Variants in MB21D2 observed in about 807,000 individuals in gnomAD.
MB21D2 encodes nucleotidyltransferase MB21D2.
In MB21D2, 9 loss-of-function variants were observed where a neutral mutation model predicts 33.3. The ratio of observed to expected loss-of-function variants is 0.27; its 90% CI spans 0.16 to 0.47. MB21D2 has a LOEUF of 0.47. Among genes scored for constraint, MB21D2 ranks in the 20% least tolerant of loss-of-function variants. The pLI, the probability that MB21D2 is intolerant of heterozygous loss-of-function variation, is 0.99. For synonymous variants in MB21D2, 241 were observed against 236.3 expected, an observed-to-expected ratio of 1.02 and a Z score of -0.18; for missense variants, 540 against 624.6, an observed-to-expected ratio of 0.86 and a Z score of 1.44.
chr3:192,824,014 T>C (rs573059771), intron 1 of MB21D2, among the ~76,000 whole-genome samples: 248 of 152,126 alleles, frequency 1.6e-3, no homozygotes, highest in African/African-American at 5.5e-3. Flanking sequence ...CAAAAGACAA[T>C]GTCTAGTTTT....
intron 1 of MB21D2, among the ~76,000 whole-genome samples, chr3:192,859,742 T>C (rs1712998301): frequency 6.6e-6 from 1 of 152,208 alleles, no homozygotes; most frequent in Non-Finnish European, 1.5e-5. Flanking sequence ...AAGACACCAT[T>C]TGAAATCACC....
chr3:192,890,933 C>T (rs954829048), intron 1 of MB21D2, among the ~76,000 whole-genome samples: 2 of 151,936 alleles, frequency 1.3e-5, no homozygotes, highest in African/African-American at 4.8e-5. Context: ...GTTTATCCTG[C>T]GTGGGGGAAG....
chr3:192,835,455 CAAA>C (rs34280688), intron 1 of MB21D2, among the ~76,000 whole-genome samples: 15 of 61,154 alleles, frequency 2.5e-4, no homozygotes, highest in African/African-American at 6.8e-4. Flanking sequence ...GACTCTGTCT[CAAA>C]AAAAAAAAAA....
intron 1 of MB21D2, among the ~76,000 whole-genome samples, chr3:192,853,249 C>T (rs1712846445): frequency 6.6e-6 from 1 of 152,214 alleles, no homozygotes; most frequent in Non-Finnish European, 1.5e-5. Context: ...TCTGGACACT[C>T]ACTCCACATC....
chr3:192,815,567 A>G (rs1711902868), intron 1 of MB21D2, among the ~76,000 whole-genome samples: 1 of 152,222 alleles, frequency 6.6e-6, no homozygotes, highest in African/African-American at 2.4e-5. Flanking sequence ...AAGTTAGAGG[A>G]AGGAATTTAC....
chr3:192,892,331 T>C (rs763608092), intron 1 of MB21D2, among the ~76,000 whole-genome samples: 3 of 152,248 alleles, frequency 2.0e-5, no homozygotes, highest in East Asian at 3.8e-4. Flanking sequence ...GGTCTTTGAA[T>C]TAATAACCCA....
intron 1 of MB21D2, among the ~76,000 whole-genome samples, chr3:192,873,788 T>C (rs956886312): frequency 6.6e-6 from 1 of 152,152 alleles, no homozygotes; most frequent in African/African-American, 2.4e-5. Flanking sequence ...CTGTAACCTC[T>C]GCCTCTCGGG....
intron 1 of MB21D2, among the ~76,000 whole-genome samples, chr3:192,819,631 A>G (rs1712002659): frequency 2.6e-5 from 4 of 152,172 alleles, no homozygotes; most frequent in Admixed American, 2.6e-4. Context: ...CAAGCTGCCT[A>G]TTTCCCAATT....
At chr3:192,894,856 C>T (rs1713930501) in intron 1 of MB21D2, among the ~76,000 whole-genome samples, 1 of 152,154 alleles carries the variant, frequency 6.6e-6, no homozygotes, top group South Asian at 2.1e-4. Flanking sequence ...TCCCTTTAGG[C>T]TTTTTCTCAC....
intron 1 of MB21D2, among the ~76,000 whole-genome samples, chr3:192,906,804 C>G (rs1212141177): frequency 1.3e-5 from 2 of 152,242 alleles, no homozygotes; most frequent in African/African-American, 4.8e-5. Flanking sequence ...AGTAATTACA[C>G]TAGCACATGG....
At chr3:192,910,834 C>G (rs1459376089) in intron 1 of MB21D2, among the ~76,000 whole-genome samples, 2 of 152,168 alleles carry the variant, frequency 1.3e-5, no homozygotes, top group Non-Finnish European at 2.9e-5. Flanking sequence ...GAATTAGGCC[C>G]AACATAGGTT....
intron 1 of MB21D2, among the ~76,000 whole-genome samples, chr3:192,863,048 C>A (rs1449319808): frequency 6.6e-6 from 1 of 152,180 alleles, no homozygotes; most frequent in Non-Finnish European, 1.5e-5. Flanking sequence ...TCTCTTAATA[C>A]TACAGCACTG....
At chr3:192,835,134 G>A (rs1385149051) in intron 1 of MB21D2, among the ~76,000 whole-genome samples, 1 of 135,628 alleles carries the variant, frequency 7.4e-6, no homozygotes, top group Non-Finnish European at 1.6e-5. Context: ...TTTGGCCAGG[G>A]ATCTTTAGAA....
chr3:192,903,788 C>T (rs1370274659), intron 1 of MB21D2, among the ~76,000 whole-genome samples: 3 of 152,222 alleles, frequency 2.0e-5, no homozygotes, highest in Non-Finnish European at 4.4e-5. Flanking sequence ...AGCTCTCACT[C>T]TGAGCTGTTG....
chr3:192,912,203 CAG>C (rs1714372430), intron 1 of MB21D2, among the ~76,000 whole-genome samples: 1 of 152,180 alleles, frequency 6.6e-6, no homozygotes, highest in African/African-American at 2.4e-5. Flanking sequence ...GCAAAGGAAA[CAG>C]GGGAGGGGTC....
At chr3:192,839,576 T>C (rs1459700475) in intron 1 of MB21D2, among the ~76,000 whole-genome samples, 1 of 152,228 alleles carries the variant, frequency 6.6e-6, no homozygotes, top group Non-Finnish European at 1.5e-5. Context: ...TCTGGAAATA[T>C]TTTGTATTTG....
At chr3:192,863,314 A>G (rs1360813025) in intron 1 of MB21D2, among the ~76,000 whole-genome samples, 1 of 152,182 alleles carries the variant, frequency 6.6e-6, no homozygotes, top group African/African-American at 2.4e-5. Context: ...GTTTTGGGCC[A>G]CCCAATTTGT....
At chr3:192,827,621 G>C (rs1345642085) in intron 1 of MB21D2, among the ~76,000 whole-genome samples, 1 of 152,142 alleles carries the variant, frequency 6.6e-6, no homozygotes, top group Non-Finnish European at 1.5e-5. Flanking sequence ...AAGGTGGAAA[G>C]TAGAGTCAGA....
chr3:192,808,349 C>T (rs1049016533), intron 1 of MB21D2, among the ~76,000 whole-genome samples: 2 of 152,084 alleles, frequency 1.3e-5, no homozygotes, highest in Non-Finnish European at 2.9e-5. Flanking sequence ...CCAAAATGCA[C>T]AAGAGGAAGA....
Sources: gnomAD v4.1 joint callset for allele counts (sites outside exome capture counted in the v4.1 genomes callset) on GRCh38, gnomAD v4.1.1 for gene constraint, MANE v1.5 for transcripts, NCBI Gene and HGNC (gene_info 2026-07-23, HGNC 2026-07-21) for gene names.